The following LPP variants were observed in gnomAD, a reference collection of about 807,000 sequenced individuals.
The protein encoded by LPP is lipoma-preferred partner.
In LPP, 38 loss-of-function variants were observed where a neutral mutation model predicts 60.4. The ratio of observed to expected loss-of-function variants is 0.63; its 90% confidence interval spans 0.49 to 0.83. The LOEUF is 0.83. LPP is among the 40% of genes least tolerant of loss of function. The pLI, the probability that LPP is intolerant of heterozygous loss-of-function variation, is 0.00. For synonymous variants in LPP, 328 were observed against 290.8 expected (o/e 1.13, Z -1.30); for missense variants, 902 against 783.6 (o/e 1.15, Z -1.80).
At chr3:188,791,561 T>A in intron 9 of LPP, among the ~76,000 whole-genome samples, 1 of 151,926 alleles carries the variant, frequency 6.6e-6, no homozygotes, top group Non-Finnish European at 1.5e-5. Flanking sequence ...CTCATTTCTT[T>A]TTTTTTTTTA....
chr3:188,367,633 T>G (rs1560304995), intron 3 of LPP, among the ~76,000 whole-genome samples: 1 of 152,236 alleles, frequency 6.6e-6, no homozygotes, highest in Non-Finnish European at 1.5e-5. Context: ...CTTATCCTAG[T>G]CAGTTGTTAT....
chr3:188,662,583 A>T (rs1818555), intron 7 of LPP, among the ~76,000 whole-genome samples: 1 of 152,240 alleles, frequency 6.6e-6, no homozygotes, highest in African/African-American at 2.4e-5. Context: ...AAATTTAAAG[A>T]TTGACTTTAT....
rs1727418805 is a variant in LPP, at chr3:188,749,604, A to G, written c.1241-10509A>G. Among the ~76,000 whole-genome samples, 2 of 152,162 alleles carry G rather than the reference A, an allele frequency of 1.3e-5. 1 individual carries two copies. Among genetic ancestry groups the G allele is most frequent in the South Asian group, 4.1e-4 (2 of 4,832 alleles). ...TAATATGGTATGGTCCAGCTCAAAG[A>G]TCACTGGACTGGGCTGAGTTGCAAC... On this transcript the variant is annotated intron_variant, in intron 8 of 11. Coordinates refer to ENST00000617246, the MANE Select transcript of LPP (RefSeq NM_001375462.1).
chr3:188,637,271 T>C (rs1437143801), intron 7 of LPP, among the ~76,000 whole-genome samples: 3 of 151,988 alleles, frequency 2.0e-5, no homozygotes, highest in Non-Finnish European at 2.9e-5. Context: ...CTACTGGGTA[T>C]ATAACGAAAT....
At chr3:188,683,133 C>T (rs1256144586) in intron 7 of LPP, among the ~76,000 whole-genome samples, 2 of 151,950 alleles carry the variant, frequency 1.3e-5, no homozygotes, top group Admixed American at 1.3e-4. Flanking sequence ...GTTATGTTAC[C>T]GACTCTGTGG....
chr3:188,821,911 C>A (rs1475005650), intron 9 of LPP, among the ~76,000 whole-genome samples: 1 of 151,868 alleles, frequency 6.6e-6, no homozygotes, highest in Admixed American at 6.6e-5. Context: ...CAATTTTTTT[C>A]CTTGGGAATA....
chr3:188,232,842 C>T (rs1157195219), intron 2 of LPP, among the ~76,000 whole-genome samples: 1 of 152,232 alleles, frequency 6.6e-6, no homozygotes, highest in Admixed American at 6.5e-5. Context: ...TTCACTTCTG[C>T]AAGCCATGGA....
intron 2 of LPP, among the ~76,000 whole-genome samples, chr3:188,279,504 A>G (rs903800334): frequency 9.2e-5 from 14 of 152,232 alleles, no homozygotes; most frequent in African/African-American, 1.9e-4. Flanking sequence ...TCCTTTCTCT[A>G]GGATTCAAGG....
In LPP at chr3:188,888,694, G is replaced by C. The variant is rs969507038; in HGVS notation, c.*14215G>C. The C allele has an allele frequency of 4.5e-6, 1 of 221,424 alleles. No individual in the cohort carries two copies. The highest frequency in any genetic ancestry group is 2.2e-5 in the African/African-American group (1 of 44,694). 13.7% of individuals were successfully genotyped at this position (221,424 alleles called of 1,614,324 possible). On this transcript the variant is annotated 3_prime_UTR_variant, in exon 12 of 12. Transcript: ENST00000617246. ...TACACACGGTACCCAGAGTCGTACT[G>C]TGCAGCCTTCAAAAACATACCATCA... is the stretch of plus-strand genomic sequence containing the variant.
intron 5 of LPP, among the ~76,000 whole-genome samples, chr3:188,516,057 A>T (rs1352977587): frequency 6.6e-6 from 1 of 152,216 alleles, no homozygotes; most frequent in Non-Finnish European, 1.5e-5. Flanking sequence ...CATGAGAGTT[A>T]CCCTATGAAC....
intron 4 of LPP, among the ~76,000 whole-genome samples, chr3:188,437,720 G>A (rs1003694646): frequency 6.6e-6 from 1 of 152,034 alleles, no homozygotes; most frequent in African/African-American, 2.4e-5. Flanking sequence ...AGAATTTATT[G>A]AACTATTGCC....
intron 2 of LPP, among the ~76,000 whole-genome samples, chr3:188,241,305 G>C (rs551808726): frequency 2.0e-5 from 3 of 152,314 alleles, no homozygotes; most frequent in East Asian, 3.9e-4. Context: ...GCATGACTGG[G>C]TATAAACGCC....
chr3:188,393,187 T>C (rs889369973), intron 3 of LPP, among the ~76,000 whole-genome samples: 3 of 152,080 alleles, frequency 2.0e-5, no homozygotes, highest in African/African-American at 7.2e-5. Context: ...ATTTTTATTT[T>C]TATTTTAAGA....
At chr3:188,169,732 G>T (rs1721005296) in intron 1 of LPP, among the ~76,000 whole-genome samples, 1 of 152,150 alleles carries the variant, frequency 6.6e-6, no homozygotes, top group Non-Finnish European at 1.5e-5. Context: ...CATTTCCTGG[G>T]TTCAGTGATG....
In LPP at chr3:188,313,506, C is replaced by T. The variant is rs577146352; in HGVS notation, c.-66-28157C>T. Among the ~76,000 whole-genome samples, 20 of 151,952 alleles carry T rather than the reference C, an allele frequency of 1.3e-4. No individual in the cohort carries two copies. The South Asian group carries it at 1.5e-3, about 11-fold the overall frequency. On this transcript the variant is annotated intron_variant, in intron 2 of 11. Transcript: ENST00000617246. ...TACAAAAATTAGCCAAGTGTGGTGG[C>T]GGGCACCTGTAGTCCCAGCTACTCG...
chr3:188,173,320 G>C (rs1249155556), intron 1 of LPP, among the ~76,000 whole-genome samples: 1 of 152,100 alleles, frequency 6.6e-6, no homozygotes, highest in African/African-American at 2.4e-5. Flanking sequence ...GGCTAACATG[G>C]AGAAAGCCCA....
At chr3:188,385,417 G>A (rs1778016726) in intron 3 of LPP, among the ~76,000 whole-genome samples, 1 of 152,122 alleles carries the variant, frequency 6.6e-6, no homozygotes, top group Non-Finnish European at 1.5e-5. Context: ...GGCCCTTGCT[G>A]GTGGTGGATG....
chr3:188,799,573 A>G (rs546870609), intron 9 of LPP, among the ~76,000 whole-genome samples: 38 of 152,198 alleles, frequency 2.5e-4, no homozygotes, highest in South Asian at 1.0e-3. Flanking sequence ...TTTTATTGTT[A>G]AACTCCTTTT....
At chr3:188,653,070 G>A (rs190753154) in intron 7 of LPP, among the ~76,000 whole-genome samples, 44 of 152,328 alleles carry the variant, frequency 2.9e-4, no homozygotes, top group African/African-American at 1.0e-3. Flanking sequence ...AAGAAGAGTC[G>A]TCTTGAGACA....
Sources: gnomAD v4.1 joint callset for allele counts (sites outside exome capture counted in the v4.1 genomes callset) on GRCh38, gnomAD v4.1.1 for gene constraint, MANE v1.5 for transcripts, NCBI Gene and HGNC (gene_info 2026-07-23, HGNC 2026-07-21) for gene names.